LRR1: variants seen among roughly 807,000 people sequenced by gnomAD.
LRR1 encodes leucine-rich repeat protein 1.
Under a neutral mutation model 31.6 loss-of-function variants are expected in LRR1, and 29 were observed. That is an observed-to-expected ratio of 0.92 (90% CI 0.68 to 1.25). The LOEUF is 1.25. Among genes scored for constraint, LRR1 ranks in the 50% most tolerant of loss-of-function variants. LRR1 has a pLI of 0.00. For missense variants in LRR1, 485 were observed against 487.2 expected, an observed-to-expected ratio of 1.00 and a Z score of 0.04; for synonymous variants, 179 against 181.4, an observed-to-expected ratio of 0.99 and a Z score of 0.10.
At chr14:49,600,910 A>G (rs1882029811) in intron 1 of LRR1, 1 of 1,463,920 alleles carries the variant, frequency 6.8e-7, no homozygotes, top group Non-Finnish European at 9.1e-7. Context: ...AACTACATAA[A>G]AAACAGAGCT....
Position 49,612,679 on chromosome 14 carries a change from G to T in LRR1, c.1005-1577G>T, listed in dbSNP as rs189100700. ...TATCTTTTCAGACTTTTCTGACAGG[G>T]TTTTAAACTCTCATTTTAAGTTGTA... On this transcript the variant is annotated intron_variant, in intron 3 of 3. Coordinates refer to ENST00000298288, the MANE Select transcript of LRR1 (RefSeq NM_152329.4). 6 of 1,000,994 alleles carry T rather than the reference G, an allele frequency of 6.0e-6. No individual in the cohort carries two copies. The East Asian group carries it at 5.3e-4, about 88-fold the overall frequency. 62.0% of individuals were successfully genotyped at this position (1,000,994 alleles called of 1,614,324 possible).
intron 3 of LRR1, among the ~76,000 whole-genome samples, chr14:49,609,230 T>TTTTTTC (rs1882418408): frequency 9.6e-6 from 1 of 104,330 alleles, no homozygotes; most frequent in Non-Finnish European, 2.0e-5. Flanking sequence ...TTTTTTTTTT[T>TTTTTTC]TTTTTTTTTT....
intron 3 of LRR1, among the ~76,000 whole-genome samples, chr14:49,611,787 G>A (rs905725160): frequency 5.3e-5 from 8 of 151,954 alleles, no homozygotes; most frequent in African/African-American, 1.5e-4. Flanking sequence ...ACAGGGTGTC[G>A]TGGCGGGCAC....
chr14:49,605,784 G>A (rs1162536835), intron 2 of LRR1, among the ~76,000 whole-genome samples: 1 of 152,156 alleles, frequency 6.6e-6, no homozygotes, highest in Admixed American at 6.6e-5. Context: ...TGAATCCCAA[G>A]TCTGTGAACC....
Position 49,606,124 on chromosome 14 carries a change from T to C in LRR1, c.283-1276T>C, listed in dbSNP as rs1882272029. The stretch of plus-strand genomic sequence containing the variant: ...TTACTGCAACCTCTGCCTCCCAGTT[T>C]CAAGCAACTCTCCTGCCTCAGCCTA... On this transcript the variant is annotated intron_variant, in intron 2 of 3. Transcript: ENST00000298288. Among the ~76,000 whole-genome samples, 4 of 149,068 alleles carry C rather than the reference T, an allele frequency of 2.7e-5. 1 individual carries two copies. The South Asian group carries it at 8.3e-4, about 31-fold the overall frequency.
chr14:49,600,354 G>C (rs1027603322), intron 1 of LRR1: 5 of 1,555,650 alleles, frequency 3.2e-6, no homozygotes. Flanking sequence ...ATTAATAGGA[G>C]CTCAGATTGA....
At chr14:49,602,103 G>A (rs568746793) in intron 1 of LRR1, among the ~76,000 whole-genome samples, 1 of 150,050 alleles carries the variant, frequency 6.7e-6, no homozygotes, top group East Asian at 2.0e-4. Flanking sequence ...TCCATCCTGG[G>A]TGAGAGTGAG....
At chr14:49,611,855 T>C (rs1882523859) in intron 3 of LRR1, among the ~76,000 whole-genome samples, 3 of 150,784 alleles carry the variant, frequency 2.0e-5, no homozygotes, top group Admixed American at 2.0e-4. Flanking sequence ...ACCCGGGAGG[T>C]TGAGGTTGTA....
chr14:49,599,764 A>ACCGGGG (rs1158687677), intron 1 of LRR1, among the ~76,000 whole-genome samples: 2 of 145,736 alleles, frequency 1.4e-5, no homozygotes, highest in African/African-American at 2.5e-5. Flanking sequence ...GGGCGCGGCG[A>ACCGGGG]CCGGGGCCGG....
chr14:49,611,193 A>G (rs1882497054), intron 3 of LRR1, among the ~76,000 whole-genome samples: 1 of 152,010 alleles, frequency 6.6e-6, no homozygotes, highest in African/African-American at 2.4e-5. Context: ...AAAACATCTG[A>G]AGGCCAGGTG....
chr14:49,611,828 C>T (rs1882522331), intron 3 of LRR1, among the ~76,000 whole-genome samples: 1 of 150,176 alleles, frequency 6.7e-6, no homozygotes, highest in Non-Finnish European at 1.5e-5. Context: ...GAGGCTGAGG[C>T]AGGATATATT....
intron 2 of LRR1, among the ~76,000 whole-genome samples, chr14:49,602,748 C>G (rs903179813): frequency 6.6e-6 from 1 of 152,150 alleles, no homozygotes; most frequent in Non-Finnish European, 1.5e-5. Context: ...ATCCTCTTGC[C>G]TCAGCCTCCC....
intron 2 of LRR1, among the ~76,000 whole-genome samples, chr14:49,605,222 C>G (rs918747515): frequency 2.0e-5 from 3 of 152,172 alleles, no homozygotes; most frequent in Admixed American, 2.0e-4. Context: ...TAACTCCAAG[C>G]AAAGTGCTCT....
intron 2 of LRR1, among the ~76,000 whole-genome samples, chr14:49,605,679 A>T (rs1882253540): frequency 6.6e-6 from 1 of 152,000 alleles, no homozygotes; most frequent in East Asian, 1.9e-4. Flanking sequence ...TTCCAGCAAC[A>T]TTTTTTTCTA....
intron 2 of LRR1, chr14:49,603,606 C>T (rs1882161535): frequency 2.8e-6 from 3 of 1,077,828 alleles, no homozygotes; most frequent in African/African-American, 1.8e-5. Context: ...GCTTGGTTCA[C>T]TGCAACCCAC....
In LRR1 at chr14:49,602,115, G is replaced by A. The variant is rs193043081; in HGVS notation, c.184-255G>A. On this transcript the variant is annotated intron_variant, in intron 1 of 3. Transcript: ENST00000298288. Reference sequence around the variant, plus strand: ...CACTCCATCCTGGGTGAGAGTGAGTGAGACTCTGTCTCAAAAAAAAACAAC... The same window carrying A: ...CACTCCATCCTGGGTGAGAGTGAGTAAGACTCTGTCTCAAAAAAAAACAAC... Among the ~76,000 whole-genome samples the A allele has an allele frequency of 2.4e-3, 345 of 146,054 alleles. 1 individual carries two copies. The highest frequency in any genetic ancestry group is 4.2e-3 in the Non-Finnish European group (278 of 66,756).
chr14:49,602,337 T>C (rs750411543), intron 1 of LRR1, 33 bp from the exon 2 acceptor site: 18 of 1,556,336 alleles, frequency 1.2e-5, no homozygotes, highest in Non-Finnish European at 1.6e-5. Flanking sequence ...CAATAATTAG[T>C]TTTCTTCTTT....
In LRR1 at chr14:49,607,853, T is replaced by C; in HGVS notation, c.736T>C (p.Cys246Arg). 1 of 1,613,900 alleles carries C rather than the reference T, an allele frequency of 6.2e-7. No homozygotes were observed. Among genetic ancestry groups the C allele is most frequent in the Non-Finnish European group, 8.5e-7 (1 of 1,179,852 alleles). Residue 246 changes from cysteine (C) to arginine (R), a missense_variant, in exon 3 of 4, where the codon TGC becomes CGC. By Grantham distance (180) the Cys-to-Arg change is radical. Around this residue, in one of 3 missense-constraint regions of LRR1, gnomAD observed 210 missense variants for 200.4 expected, o/e 1.05. Transcript: ENST00000298288. The part of the protein sequence containing the change: ...NKIKALPVQF[C>R]QLQELKNLKL... The stretch of plus-strand genomic sequence containing the variant: ...AATCAAGGCACTCCCTGTGCAGTTT[T>C]GCCAGCTCCAGGAACTTAAGAATTT...
At chr14:49,600,499 A>G in intron 1 of LRR1, 1 of 1,577,132 alleles carries the variant, frequency 6.3e-7, no homozygotes, top group Non-Finnish European at 8.7e-7. Flanking sequence ...TTAACCCAGA[A>G]GGGATTGAAG....
Sources: gnomAD v4.1 joint callset for allele counts (sites outside exome capture counted in the v4.1 genomes callset) on GRCh38, gnomAD v4.1.1 for gene constraint, gnomAD v4.1.1 regional missense constraint, MANE v1.5 for transcripts, NCBI Gene and HGNC (gene_info 2026-07-23, HGNC 2026-07-21) for gene names.